The following DENND2B variants were observed in gnomAD, a reference collection of about 807,000 sequenced individuals.
The protein encoded by DENND2B is DENN domain-containing protein 2B.
A neutral mutation model predicts 116.0 loss-of-function variants in DENND2B; 32 were observed. That is an observed-to-expected ratio of 0.28 (90% CI 0.21 to 0.37). DENND2B has a LOEUF of 0.37. Ranked by LOEUF, DENND2B falls within the 10% of genes least tolerant of loss-of-function variation. The pLI is 1.00. For synonymous variants in DENND2B, 588 were observed against 583.9 expected, an observed-to-expected ratio of 1.01 and a Z score of -0.10; for missense variants, 1,276 against 1,477.7, an observed-to-expected ratio of 0.86 and a Z score of 2.24.
In DENND2B at chr11:8,855,728, C is replaced by T. The variant is rs115264028; in HGVS notation, c.-156+1615G>A. On this transcript the variant is annotated intron_variant, in intron 3 of 6. Coordinates refer to the DENND2B transcript ENST00000524757. ...AGGGCATCATCAGGGAAGTGCTGTC[C>T]TGATGGAGCTGCCCAAACTTAATAC... 2.5e-3 allele frequency among the ~76,000 whole-genome samples: 379 copies of T among 152,140 alleles called. 3 individuals carry two copies. The highest frequency in any genetic ancestry group is 8.2e-3 in the African/African-American group (340 of 41,508).
chr11:8,753,001 C>T (rs558196288), intron 1 of DENND2B, among the ~76,000 whole-genome samples: 1 of 152,294 alleles, frequency 6.6e-6, no homozygotes, highest in South Asian at 2.1e-4. Context: ...CTTTGGGAAG[C>T]CAAGGCAGGC....
intron 6 of DENND2B, among the ~76,000 whole-genome samples, chr11:8,715,292 T>C (rs944230655): frequency 2.6e-5 from 4 of 152,186 alleles, no homozygotes; most frequent in African/African-American, 9.7e-5. Flanking sequence ...CCTAGGTCCT[T>C]GAAAGCCTGG....
intron 2 of DENND2B, among the ~76,000 whole-genome samples, chr11:8,880,218 C>T (rs1004547170): frequency 6.6e-6 from 1 of 152,116 alleles, no homozygotes; most frequent in Admixed American, 6.6e-5. Context: ...GCATTCTATG[C>T]TCTTCTTAAT....
intron 1 of DENND2B, among the ~76,000 whole-genome samples, chr11:8,797,621 G>T (rs1365561213): frequency 6.7e-6 from 1 of 148,630 alleles, no homozygotes; most frequent in African/African-American, 2.5e-5. Flanking sequence ...AAAGAGTCTT[G>T]CTCTGTTGCC....
chr11:8,705,390 C>T (rs965726449), intron 13 of DENND2B, among the ~76,000 whole-genome samples: 5 of 152,186 alleles, frequency 3.3e-5, no homozygotes, highest in Admixed American at 2.0e-4. Flanking sequence ...TGCCACGCCT[C>T]ATCCTGACCT....
intron 1 of DENND2B, among the ~76,000 whole-genome samples, chr11:8,790,174 T>TA (rs1175874129): frequency 6.6e-6 from 1 of 152,220 alleles, no homozygotes; most frequent in East Asian, 1.9e-4. Flanking sequence ...TGTCTCCTTA[T>TA]AAAGGAACTA....
intron 1 of DENND2B, among the ~76,000 whole-genome samples, chr11:8,889,103 G>C (rs1253453760): frequency 6.6e-6 from 1 of 151,772 alleles, no homozygotes; most frequent in Non-Finnish European, 1.5e-5. Flanking sequence ...TTGAAACCAG[G>C]GTCTCAAAGA....
chr11:8,896,855 T>A (rs1363270411), intron 1 of DENND2B, among the ~76,000 whole-genome samples: 1 of 152,256 alleles, frequency 6.6e-6, no homozygotes, highest in African/African-American at 2.4e-5. Flanking sequence ...CTTACAATAT[T>A]TTCAACTTAA....
intron 4 of DENND2B, among the ~76,000 whole-genome samples, chr11:8,816,423 C>A (rs143937085): frequency 6.6e-6 from 1 of 152,046 alleles, no homozygotes; most frequent in Admixed American, 6.6e-5. Context: ...TAGTGGCACA[C>A]GCTTGTGGTC....
At chr11:8,845,084 G>A (rs1033166750) in intron 3 of DENND2B, among the ~76,000 whole-genome samples, 4 of 151,990 alleles carry the variant, frequency 2.6e-5, no homozygotes, top group African/African-American at 9.7e-5. Flanking sequence ...CTTCTGGATT[G>A]GGTTTTCATT....
intron 1 of DENND2B, chr11:8,787,173 T>G (rs1012687332): frequency 6.6e-6 from 1 of 152,240 alleles, no homozygotes; most frequent in Non-Finnish European, 1.5e-5. Flanking sequence ...GGTGTTTTTA[T>G]GTCAACTGCA....
intron 1 of DENND2B, among the ~76,000 whole-genome samples, chr11:8,782,886 C>CAAA (rs66930048): frequency 2.0e-4 from 20 of 98,806 alleles, no homozygotes; most frequent in Middle Eastern, 4.5e-3. Flanking sequence ...GACTCTGTCT[C>CAAA]AAAAAAAAAA....
intron 4 of DENND2B, chr11:8,718,242 G>T: frequency 2.0e-6 from 2 of 1,014,604 alleles, no homozygotes; most frequent in Non-Finnish European, 3.0e-6. Flanking sequence ...TCTTTCCTTG[G>T]CTCCCTTCCC....
At chr11:8,775,103 A>G (rs2057448326) in intron 1 of DENND2B, among the ~76,000 whole-genome samples, 1 of 151,472 alleles carries the variant, frequency 6.6e-6, no homozygotes, top group Non-Finnish European at 1.5e-5. Flanking sequence ...GTGGTCTCGA[A>G]CTCCTGACCT....
intron 4 of DENND2B, chr11:8,718,739 G>A (rs963900046): frequency 5.5e-6 from 6 of 1,090,882 alleles, no homozygotes; most frequent in Admixed American, 9.2e-5. Flanking sequence ...TCTGGCAGCG[G>A]GCATTGTATT....
At position 8,848,945 on chromosome 11, in the gene DENND2B, TC is replaced by T. The variant is rs770707356; in HGVS notation, c.-156+8397del. On this transcript the variant is annotated intron_variant, in intron 3 of 6. Coordinates refer to the DENND2B transcript ENST00000524757. ...AACCCAGGGTTTATCCAGGGAAATA[TC>T]CATGATTTCTATGGGTGGCTAAATC... 7.9e-5 allele frequency among the ~76,000 whole-genome samples: 12 copies of T among 151,910 alleles called. No individual in the cohort carries two copies. In the East Asian group the frequency reaches 1.5e-3, roughly 20 times the overall value.
At position 8,771,566 on chromosome 11, in the gene DENND2B, A is replaced by AGAGAGC. The variant is rs146752028; in HGVS notation, c.-25-20842_-25-20841insGCTCTC. On this transcript the variant is annotated intron_variant, in intron 1 of 19. Coordinates refer to ENST00000313726, the MANE Select transcript of DENND2B (RefSeq NM_213618.2). Reference sequence around the variant, plus strand: ...GAGAGAGAGAGAGAGAGAGAGAGAGAGCCTTCTTCCCAGTTCTGGGCACAG... The same window carrying AGAGAGC: ...GAGAGAGAGAGAGAGAGAGAGAGAGAGAGAGCGCCTTCTTCCCAGTTCTGGGCACAG... 3.1e-4 allele frequency: 37 copies of AGAGAGC among 120,384 alleles called. 4 individuals are homozygous for AGAGAGC. Among genetic ancestry groups the AGAGAGC allele is most frequent in the East Asian group, 1.8e-3 (7 of 3,804 alleles). The allele number at this position is 120,384 out of a possible 1,614,324, so 7.5% of individuals were successfully genotyped here. A position where few individuals can be genotyped will look rare whatever the true frequency, so the allele number is the denominator to read the frequency against.
intron 2 of DENND2B, among the ~76,000 whole-genome samples, chr11:8,877,770 C>T (rs918734303): frequency 1.3e-5 from 2 of 152,124 alleles, no homozygotes; most frequent in Non-Finnish European, 2.9e-5. Flanking sequence ...ATAGTTCCCC[C>T]CCAAAAAAAT....
chr11:8,880,193 C>T (rs888392032), intron 2 of DENND2B, among the ~76,000 whole-genome samples: 1 of 152,060 alleles, frequency 6.6e-6, no homozygotes, highest in African/African-American at 2.4e-5. Flanking sequence ...TTTTCCTTTT[C>T]TTTTAGGATA....
Sources: allele counts gnomAD v4.1 joint callset (sites outside exome capture counted in the v4.1 genomes callset), GRCh38; gene constraint gnomAD v4.1.1; transcripts MANE v1.5; gene names NCBI Gene and HGNC (gene_info 2026-07-23, HGNC 2026-07-21).